Variants in ATP13A4 observed in about 807,000 individuals in gnomAD.
The protein encoded by ATP13A4 is probable cation-transporting ATPase 13A4.
ATP13A4 carries 114 observed loss-of-function variants against 142.5 expected under a neutral mutation model. The observed-to-expected ratio is 0.80, with a 90% CI of 0.69 to 0.93. The LOEUF (loss-of-function observed/expected upper bound fraction) is 0.93. Among genes scored for constraint, ATP13A4 ranks in the 40% least tolerant of loss-of-function variants. The pLI, the probability that ATP13A4 is intolerant of heterozygous loss-of-function variation, is 0.00. For synonymous variants in ATP13A4, 488 were observed against 514.8 expected, an observed-to-expected ratio of 0.95 and a Z score of 0.70; for missense variants, 1,392 against 1,454.0, an observed-to-expected ratio of 0.96 and a Z score of 0.69.
Position 193,454,166 on chromosome 3 carries a change from G to A in ATP13A4, c.1962C>T (p.Gly654=), listed in dbSNP as rs375214920. 26 of 1,614,008 alleles carry A rather than the reference G, an allele frequency of 1.6e-5. No homozygotes were observed. In the South Asian group the frequency reaches 2.3e-4, roughly 14 times the overall value. The change falls in exon 17 of 30, where the codon GGC becomes GGT. Residue 654 remains glycine (G), a synonymous_variant. Transcript: ENST00000342695. ...VSELQIYTTQ[G]FRVIALAYKK... ...TGTAGGCCAGTGCTATGACTCGGAA[G>A]CCCTGTGTCGTGTAAATCTGAAGTT...
intron 14 of ATP13A4, among the ~76,000 whole-genome samples, chr3:193,458,203 C>T (rs1717748362): frequency 1.3e-5 from 2 of 152,140 alleles, no homozygotes; most frequent in Non-Finnish European, 2.9e-5. Context: ...CCACCAGAGG[C>T]GAGAGCTATA....
chr3:193,481,042 T>C (rs1182473666), intron 8 of ATP13A4, among the ~76,000 whole-genome samples: 2 of 152,152 alleles, frequency 1.3e-5, no homozygotes, highest in Non-Finnish European at 2.9e-5. Context: ...CTAAACATCA[T>C]ATGTTCTCAC....
chr3:193,409,688 G>T (rs1475445163), intron 28 of ATP13A4, among the ~76,000 whole-genome samples: 1 of 152,196 alleles, frequency 6.6e-6, no homozygotes, highest in East Asian at 1.9e-4. Flanking sequence ...CAGTGATGTA[G>T]TTACAAAAAT....
At chr3:193,495,976 C>CA (rs1397772893) in intron 3 of ATP13A4, among the ~76,000 whole-genome samples, 1 of 151,854 alleles carries the variant, frequency 6.6e-6, no homozygotes, top group Non-Finnish European at 1.5e-5. Flanking sequence ...GCAATGGCTA[C>CA]AAAAAAATAA....
At chr3:193,527,855 A>G (rs1360863725) in intron 1 of ATP13A4, among the ~76,000 whole-genome samples, 2 of 152,136 alleles carry the variant, frequency 1.3e-5, no homozygotes, top group Non-Finnish European at 2.9e-5. Flanking sequence ...TCCATCTGTA[A>G]CAGAGAGGGT....
intron 3 of ATP13A4, among the ~76,000 whole-genome samples, chr3:193,500,196 G>A (rs1230319322): frequency 1.3e-5 from 2 of 152,138 alleles, no homozygotes; most frequent in South Asian, 2.1e-4. Context: ...TATCTGCTGC[G>A]GGGTGAATTT....
chr3:193,554,703 G>C lies in ATP13A4; in HGVS notation c.60+37C>G, dbSNP rs766206736. On this transcript the variant is annotated intron_variant, in intron 1 of 29. Transcript: ENST00000342695. ...GTGTGTGTGTCTCGCAGGCTGAGAA[G>C]TGGGATGGGAAGAAGGGAATGTGGC... 12 of 1,604,092 alleles carry C rather than the reference G, an allele frequency of 7.5e-6. No homozygotes were observed. In the South Asian group the frequency reaches 1.2e-4, roughly 16 times the overall value.
chr3:193,438,395 A>C (rs1482329503), intron 23 of ATP13A4, 80 bp downstream of exon 23: 4 of 1,196,944 alleles, frequency 3.3e-6, no homozygotes, highest in Non-Finnish European at 3.7e-6. Context: ...AAGTTTCTCT[A>C]GTCTTTCCCA....
chr3:193,580,174 C>T (rs1724507594), intron 2 of ATP13A4, among the ~76,000 whole-genome samples: 1 of 152,186 alleles, frequency 6.6e-6, no homozygotes, highest in South Asian at 2.1e-4. Flanking sequence ...TGGATTCCTA[C>T]AACCTCTCCT....
At chr3:193,504,267 C>T (rs151321353) in intron 2 of ATP13A4, among the ~76,000 whole-genome samples, 6 of 151,986 alleles carry the variant, frequency 3.9e-5, no homozygotes, top group African/African-American at 9.7e-5. Context: ...ACTAAGTCAC[C>T]GATCTGATGA....
chr3:193,415,032 G>T (rs950377535), intron 25 of ATP13A4, among the ~76,000 whole-genome samples: 2 of 152,144 alleles, frequency 1.3e-5, no homozygotes, highest in African/African-American at 4.8e-5. Flanking sequence ...CTCATATATT[G>T]CTTGTGGGAA....
intron 25 of ATP13A4, among the ~76,000 whole-genome samples, chr3:193,429,501 A>T (rs532901319): frequency 6.6e-6 from 1 of 152,212 alleles, no homozygotes; most frequent in East Asian, 1.9e-4. Flanking sequence ...TACAAAATGG[A>T]TTATACTAAA....
chr3:193,521,333 A>G (rs1199593431), intron 1 of ATP13A4, among the ~76,000 whole-genome samples: 1 of 152,242 alleles, frequency 6.6e-6, no homozygotes, highest in African/African-American at 2.4e-5. Flanking sequence ...AACACTTTCC[A>G]AAAGAATAAT....
intron 3 of ATP13A4, among the ~76,000 whole-genome samples, chr3:193,494,613 G>T (rs1296248724): frequency 6.6e-6 from 1 of 151,670 alleles, no homozygotes; most frequent in Non-Finnish European, 1.5e-5. Flanking sequence ...AAAACCTATG[G>T]GATACAGAAA....
intron 1 of ATP13A4, among the ~76,000 whole-genome samples, chr3:193,553,995 T>C (rs1723742663): frequency 1.3e-5 from 2 of 152,222 alleles, no homozygotes; most frequent in South Asian, 4.1e-4. Flanking sequence ...AGCAGAAAGA[T>C]CTTATTAAAC....
intron 1 of ATP13A4, among the ~76,000 whole-genome samples, chr3:193,530,850 T>G (rs1054412409): frequency 1.3e-5 from 2 of 152,064 alleles, no homozygotes; most frequent in Non-Finnish European, 2.9e-5. Context: ...GCACATAAAG[T>G]TCTTCCTAAT....
intron 25 of ATP13A4, among the ~76,000 whole-genome samples, chr3:193,416,401 C>T (rs1375643302): frequency 6.6e-6 from 1 of 151,964 alleles, no homozygotes; most frequent in East Asian, 1.9e-4. Flanking sequence ...CTTAAATATG[C>T]TGAAATAACT....
intron 3 of ATP13A4, among the ~76,000 whole-genome samples, chr3:193,502,130 A>T (rs1187699045): frequency 1.3e-5 from 2 of 152,216 alleles, no homozygotes; most frequent in African/African-American, 4.8e-5. Context: ...ACATAGTGAG[A>T]TCCTACCTCT....
rs913878018 is a variant in ATP13A4 at position 193,478,444 on chromosome 3, T to C, written c.808+5492A>G. Among the ~76,000 whole-genome samples the C allele has an allele frequency of 1.3e-5, 2 of 151,852 alleles. 1 individual carries two copies. Among genetic ancestry groups the C allele is most frequent in the African/African-American group, 4.8e-5 (2 of 41,272 alleles). Reference sequence around the variant, plus strand: ...TCAATTAGAAACAAAATGGGAGATATTACAACTGATAACACAGAAACACAA... The same window carrying C: ...TCAATTAGAAACAAAATGGGAGATACTACAACTGATAACACAGAAACACAA... On this transcript the variant is annotated intron_variant, in intron 8 of 29. Coordinates refer to ENST00000342695, the MANE Select transcript of ATP13A4 (RefSeq NM_032279.4).
Sources: gnomAD v4.1 joint callset for allele counts (sites outside exome capture counted in the v4.1 genomes callset) on GRCh38, gnomAD v4.1.1 for gene constraint, MANE v1.5 for transcripts, NCBI Gene and HGNC (gene_info 2026-07-23, HGNC 2026-07-21) for gene names.